KCMF1: variants seen among roughly 807,000 people sequenced by gnomAD.
KCMF1 encodes E3 ubiquitin-protein ligase KCMF1.
Under a neutral mutation model 41.1 loss-of-function variants are expected in KCMF1, and 3 were observed. The observed-to-expected ratio is 0.07, with a 90% confidence interval of 0.03 to 0.19. The LOEUF (loss-of-function observed/expected upper bound fraction) is 0.19, where lower values mean the gene tolerates loss of function less well. Ranked by LOEUF, KCMF1 falls within the 10% of genes least tolerant of loss-of-function variation. The pLI is 1.00. For synonymous variants in KCMF1, 142 were observed against 164.5 expected, an observed-to-expected ratio of 0.86 and a Z score of 1.04; for missense variants, 286 against 488.9, an observed-to-expected ratio of 0.58 and a Z score of 3.91.
chr2:85,014,925 T>A (rs1199082543), intron 1 of KCMF1, among the ~76,000 whole-genome samples: 1 of 151,918 alleles, frequency 6.6e-6, no homozygotes, highest in East Asian at 1.9e-4. Flanking sequence ...CCTGGGCTAT[T>A]GTTGCCACCT....
chr2:84,988,087 G>C (rs11126980), intron 1 of KCMF1, among the ~76,000 whole-genome samples: 23,193 of 151,880 alleles, frequency 0.15, 2,695 homozygotes, highest in East Asian at 0.35. Context: ...ACAAAATTAG[G>C]CGGGTGTGAT....
At chr2:84,994,330 A>G (rs897237682) in intron 1 of KCMF1, among the ~76,000 whole-genome samples, 1 of 152,180 alleles carries the variant, frequency 6.6e-6, no homozygotes, top group Non-Finnish European at 1.5e-5. Flanking sequence ...TAACTACTGG[A>G]TAGTGATGCA....
intron 1 of KCMF1, among the ~76,000 whole-genome samples, chr2:85,022,638 A>C (rs1674974059): frequency 6.6e-6 from 1 of 152,164 alleles, no homozygotes; most frequent in Non-Finnish European, 1.5e-5. Context: ...TATTGGTTGG[A>C]TATATGAGAA....
intron 1 of KCMF1, among the ~76,000 whole-genome samples, chr2:84,983,640 C>A (rs566498046): frequency 6.6e-6 from 1 of 152,274 alleles, no homozygotes; most frequent in South Asian, 2.1e-4. Context: ...CCCAAAGTAG[C>A]TGGGATTACA....
chr2:85,039,937 C>T (rs1241518557), intron 3 of KCMF1, among the ~76,000 whole-genome samples: 4 of 152,058 alleles, frequency 2.6e-5, no homozygotes, highest in Non-Finnish European at 4.4e-5. Context: ...CTCAGCCTCC[C>T]GAGTAGCTGG....
chr2:84,996,430 A>ATTTTTTTTTTTTTTTT (rs869089697), intron 1 of KCMF1, among the ~76,000 whole-genome samples: 1 of 124,058 alleles, frequency 8.1e-6, no homozygotes, highest in African/African-American at 3.3e-5. Context: ...ATAACCTAAG[A>ATTTTTTTTTTTTTTTT]TTTTTTTTTT....
intron 1 of KCMF1, among the ~76,000 whole-genome samples, chr2:85,025,495 C>A (rs570222807): frequency 6.6e-6 from 1 of 152,318 alleles, no homozygotes; most frequent in African/African-American, 2.4e-5. Context: ...AACTTGAAAA[C>A]TCTCTACCCA....
chr2:84,976,567 G>A (rs1376347709), intron 1 of KCMF1, among the ~76,000 whole-genome samples: 2 of 151,460 alleles, frequency 1.3e-5, no homozygotes, highest in African/African-American at 2.4e-5. Context: ...ATTTCAAGCC[G>A]GTTGCAGTGA....
intron 1 of KCMF1, chr2:84,972,152 C>T (rs1442697233): frequency 6.6e-6 from 1 of 152,270 alleles, no homozygotes; most frequent in Non-Finnish European, 1.5e-5. Context: ...TGCTCAGTCA[C>T]CCAGGCGGAG....
At chr2:84,996,971 T>C (rs1276717174) in intron 1 of KCMF1, among the ~76,000 whole-genome samples, 1 of 152,188 alleles carries the variant, frequency 6.6e-6, no homozygotes, top group African/African-American at 2.4e-5. Flanking sequence ...GCTCCTAGGC[T>C]ACAAACCTGT....
chr2:85,036,301 GTTTATTCTT>G (rs1196141499), intron 3 of KCMF1, among the ~76,000 whole-genome samples: 2 of 152,146 alleles, frequency 1.3e-5, no homozygotes, highest in Non-Finnish European at 2.9e-5. Context: ...ACTATTCTTA[GTTTATTCTT>G]TTTATTCTGT....
intron 3 of KCMF1, among the ~76,000 whole-genome samples, chr2:85,036,498 C>T (rs975447474): frequency 6.6e-6 from 1 of 152,006 alleles, no homozygotes; most frequent in Admixed American, 6.6e-5. Context: ...ATTAGGCATC[C>T]TTAAAATCAT....
chr2:84,978,290 C>T (rs909751184), intron 1 of KCMF1, among the ~76,000 whole-genome samples: 1 of 152,114 alleles, frequency 6.6e-6, no homozygotes, highest in Non-Finnish European at 1.5e-5. Flanking sequence ...AGCCACCGTG[C>T]CCAGCCTTAG....
chr2:85,024,440 T>C (rs1675034067), intron 1 of KCMF1, among the ~76,000 whole-genome samples: 1 of 151,910 alleles, frequency 6.6e-6, no homozygotes, highest in Admixed American at 6.6e-5. Context: ...ACCATTGCAC[T>C]CCAGCCCCGG....
At chr2:85,050,429 A>T (rs961391674) in intron 6 of KCMF1, among the ~76,000 whole-genome samples, 5 of 152,160 alleles carry the variant, frequency 3.3e-5, no homozygotes, top group African/African-American at 7.2e-5. Flanking sequence ...AAAGTAACTT[A>T]AAAAAATGGC....
intron 1 of KCMF1, among the ~76,000 whole-genome samples, chr2:84,979,972 G>A (rs1301908654): frequency 1.3e-5 from 2 of 151,286 alleles, no homozygotes; most frequent in Admixed American, 6.6e-5. Flanking sequence ...ACAGGCATGC[G>A]CCACCACGCC....
chr2:84,994,195 A>G (rs564031206), intron 1 of KCMF1, among the ~76,000 whole-genome samples: 13 of 151,982 alleles, frequency 8.6e-5, no homozygotes, highest in South Asian at 6.2e-4. Context: ...TGATCCGCCC[A>G]TCTCGGCCTC....
At chr2:84,973,356 C>T (rs1673449513) in intron 1 of KCMF1, among the ~76,000 whole-genome samples, 1 of 152,168 alleles carries the variant, frequency 6.6e-6, no homozygotes, top group Admixed American at 6.5e-5. Flanking sequence ...GTAATTTAAG[C>T]CCATTTCCCC....
chr2:85,017,195 T>A (rs943050019), intron 1 of KCMF1, among the ~76,000 whole-genome samples: 4 of 151,732 alleles, frequency 2.6e-5, no homozygotes, highest in Admixed American at 1.3e-4. Context: ...CGGCTAATTT[T>A]TTTTGTATTT....
Sources: allele counts gnomAD v4.1 joint callset (sites outside exome capture counted in the v4.1 genomes callset), GRCh38; gene constraint gnomAD v4.1.1; transcripts MANE v1.5; gene names NCBI Gene and HGNC (gene_info 2026-07-23, HGNC 2026-07-21).